Variants in AHRR observed in about 807,000 individuals in gnomAD.
AHRR encodes the protein aryl hydrocarbon receptor repressor.
A neutral mutation model predicts 44.0 loss-of-function variants in AHRR; 28 were observed. The observed-to-expected ratio is 0.64, with a 90% CI of 0.47 to 0.87. The LOEUF is 0.87. Ranked by LOEUF, AHRR falls within the 40% of genes least tolerant of loss-of-function variation. The pLI is 0.00. For missense variants in AHRR, 990 were observed against 953.9 expected (o/e 1.04, Z -0.50); for synonymous variants, 434 against 407.0 (o/e 1.07, Z -0.80).
Position 342,544 on chromosome 5 carries a change from C to T in AHRR, c.-10-1349C>T, listed in dbSNP as rs1742381735. 2.0e-5 allele frequency among the ~76,000 whole-genome samples: 3 copies of T among 152,206 alleles called. No individual in the cohort carries two copies. The highest frequency in any genetic ancestry group is 2.0e-4 in the Admixed American group (3 of 15,286). On this transcript the variant is annotated intron_variant, in intron 1 of 10. Transcript: ENST00000684583. The surrounding 1 kb of genome is among the most constrained non-coding windows in gnomAD (Gnocchi z 4.3). Reference sequence around the variant, plus strand: ...TTTACTTTATCTACCTAAGTCTTTACAGTCCAAGTGGATCCATGACACATT... The same window carrying T: ...TTTACTTTATCTACCTAAGTCTTTATAGTCCAAGTGGATCCATGACACATT...
In AHRR at chr5:433,059, G is replaced by A. The variant is rs1579717082; in HGVS notation, c.1112+112G>A. 2.3e-6 allele frequency: 3 copies of A among 1,321,140 alleles called. No homozygotes were observed. In the East Asian group the frequency reaches 7.7e-5, roughly 34 times the overall value. The allele number at this position is 1,321,140 out of a possible 1,614,324, so 81.8% of individuals were successfully genotyped here. On this transcript the variant is annotated intron_variant, in intron 10 of 10. Transcript: ENST00000684583. ...AAGAAAAATAAAAAAGACGACAGCA[G>A]CCTTGGCCACCACACGAGCCACAGC... is the stretch of plus-strand genomic sequence containing the variant.
chr5:335,480 G>T (rs549885533), intron 1 of AHRR, among the ~76,000 whole-genome samples: 2 of 152,126 alleles, frequency 1.3e-5, no homozygotes, highest in African/African-American at 2.4e-5. Context: ...CCTCCAGGTC[G>T]CTGGATCCCA....
At chr5:355,115 A>G (rs960323635) in intron 3 of AHRR, among the ~76,000 whole-genome samples, 1 of 152,156 alleles carries the variant, frequency 6.6e-6, no homozygotes, top group Admixed American at 6.5e-5. Context: ...TATTAATTTT[A>G]TATTTATCTC....
chr5:373,659 G>A (rs1285802710), intron 3 of AHRR, among the ~76,000 whole-genome samples: 1 of 151,886 alleles, frequency 6.6e-6, no homozygotes, highest in Non-Finnish European at 1.5e-5. Flanking sequence ...GGGGATGGGG[G>A]CTCCCTCCCG....
intron 4 of AHRR, among the ~76,000 whole-genome samples, chr5:401,611 G>A (rs1015863864): frequency 2.6e-5 from 4 of 152,198 alleles, no homozygotes; most frequent in Admixed American, 6.5e-5. Context: ...CAGGGCAGGC[G>A]GATGCGGCGG....
rs575783364 is a variant in AHRR, at chr5:403,612, T to C, written c.352-9732T>C. The C allele has an allele frequency of 2.4e-4, 113 of 466,878 alleles. 1 individual carries two copies. The highest frequency in any genetic ancestry group is 2.3e-3 in the African/African-American group (106 of 46,030). The allele number at this position is 466,878 out of a possible 1,614,324, so 28.9% of individuals were successfully genotyped here. A position where few individuals can be genotyped will look rare whatever the true frequency, so the allele number is the denominator to read the frequency against. On this transcript the variant is annotated intron_variant, in intron 4 of 10. Transcript: ENST00000684583. ...GATCGCACCACACTGTACTCCAGCCTAGGTGACAGAATGAGACTCCGTTTC... is the reference window on the plus strand; with the variant it reads ...GATCGCACCACACTGTACTCCAGCCCAGGTGACAGAATGAGACTCCGTTTC...
chr5:379,953 T>C (rs1733914864), intron 4 of AHRR, among the ~76,000 whole-genome samples: 1 of 152,262 alleles, frequency 6.6e-6, no homozygotes, highest in African/African-American at 2.4e-5. Flanking sequence ...TAAAGTTGTA[T>C]AGTTTCATAT....
intron 4 of AHRR, among the ~76,000 whole-genome samples, chr5:382,665 T>G (rs1407696603): frequency 1.2e-4 from 18 of 152,154 alleles, no homozygotes; most frequent in Admixed American, 1.2e-3. Context: ...TTCTTTTCTT[T>G]GCTTGGTTTG....
At chr5:344,081 C>T (rs1742472485) in intron 2 of AHRR, 117 bp downstream of exon 2, 6 of 1,135,598 alleles carry the variant, frequency 5.3e-6, no homozygotes, top group South Asian at 4.2e-5. Context: ...CTTCGGGAGC[C>T]GGGCGGGCCG....
At chr5:433,510 A>G (rs1387734903) in intron 10 of AHRR, among the ~76,000 whole-genome samples, 1 of 152,116 alleles carries the variant, frequency 6.6e-6, no homozygotes, top group Admixed American at 6.5e-5. Flanking sequence ...GTTCCCTGGG[A>G]CCATTTGCAC....
rs1250072295 is a variant in AHRR, at chr5:343,913, C to T, written c.11C>T (p.Pro4Leu). 6 of 1,600,408 alleles carry T rather than the reference C, an allele frequency of 3.7e-6. No homozygotes were observed. Among genetic ancestry groups the T allele is most frequent in the Middle Eastern group, 3.3e-4 (2 of 6,034 alleles). The change falls in exon 2 of 11, where the codon CCG (proline) becomes CTG (leucine). Residue 4 changes from proline (P) to leucine (L), a missense_variant. By Grantham distance (98) the Pro-to-Leu change is moderately conservative. Coordinates refer to ENST00000684583, the MANE Select transcript of AHRR (RefSeq NM_001377236.1). ...TCCAGGCCGAGGACGATGATCCCGCCGGGGGAGTGCACGTACGCGGGCCGG... is the reference window on the plus strand; with the variant it reads ...TCCAGGCCGAGGACGATGATCCCGCTGGGGGAGTGCACGTACGCGGGCCGG... MIP[P>L]GECTYAGRKR...
chr5:386,092 T>C (rs1034612293), intron 4 of AHRR, among the ~76,000 whole-genome samples: 3 of 152,218 alleles, frequency 2.0e-5, no homozygotes, highest in African/African-American at 7.2e-5. Context: ...CTGCTGGGAC[T>C]TTTTAGCTTT....
intron 4 of AHRR, among the ~76,000 whole-genome samples, chr5:409,179 T>C (rs1735380101): frequency 6.6e-6 from 1 of 152,266 alleles, no homozygotes; most frequent in Non-Finnish European, 1.5e-5. Context: ...ATTTTTTAAA[T>C]TGTCTAACAG....
At chr5:384,013 T>C (rs1228436107) in intron 4 of AHRR, among the ~76,000 whole-genome samples, 2 of 152,124 alleles carry the variant, frequency 1.3e-5, no homozygotes, top group African/African-American at 4.8e-5. Context: ...TCTGACAATC[T>C]CTGTCTTCTA....
At chr5:330,530 T>C (rs1040707078) in intron 1 of AHRR, among the ~76,000 whole-genome samples, 17 of 152,078 alleles carry the variant, frequency 1.1e-4, no homozygotes, top group Non-Finnish European at 2.4e-4. Flanking sequence ...CACACCACCA[T>C]GCCCTGATAA....
At chr5:380,592 T>C (rs1255634999) in intron 4 of AHRR, among the ~76,000 whole-genome samples, 1 of 152,244 alleles carries the variant, frequency 6.6e-6, no homozygotes, top group African/African-American at 2.4e-5. Flanking sequence ...TTAATGTAAA[T>C]GAGACTTTTT....
At chr5:340,221 T>C (rs1381864558) in intron 1 of AHRR, among the ~76,000 whole-genome samples, 1 of 152,190 alleles carries the variant, frequency 6.6e-6, no homozygotes, top group Non-Finnish European at 1.5e-5. Context: ...TGTTTTTTCT[T>C]GAGTTTTGAT....
chr5:387,638 C>T lies in AHRR; in HGVS notation c.351+10922C>T, dbSNP rs1410663328. On this transcript the variant is annotated intron_variant, in intron 4 of 10. Transcript: ENST00000684583. The surrounding 1 kb of genome is among the most constrained non-coding windows in gnomAD (Gnocchi z 5.1). ...GGGACAGGGGCCTGACCTCCTCAGCCTCTTCTGTGGCTTCTGACAGCAGCA... is the reference window on the plus strand; with the variant it reads ...GGGACAGGGGCCTGACCTCCTCAGCTTCTTCTGTGGCTTCTGACAGCAGCA... Among the ~76,000 whole-genome samples the T allele has an allele frequency of 6.6e-6, 1 of 152,240 alleles. No individual in the cohort carries two copies. The highest frequency in any genetic ancestry group is 2.4e-5 in the African/African-American group (1 of 41,462).
At chr5:378,740 G>C (rs567434850) in intron 4 of AHRR, among the ~76,000 whole-genome samples, 11 of 152,264 alleles carry the variant, frequency 7.2e-5, no homozygotes, top group Admixed American at 1.3e-4. Flanking sequence ...TGCACAATAC[G>C]AGTCAGAGCT....
Sources: gnomAD v4.1 joint callset for allele counts (sites outside exome capture counted in the v4.1 genomes callset) on GRCh38, gnomAD v4.1.1 for gene constraint, Gnocchi (gnomAD v3.1) non-coding constraint, MANE v1.5 for transcripts, NCBI Gene and HGNC (gene_info 2026-07-23, HGNC 2026-07-21) for gene names.